The following PTGER3 variants were observed in gnomAD, a reference collection of about 807,000 sequenced individuals.
PTGER3 encodes prostaglandin E2 receptor EP3 subtype.
A neutral mutation model predicts 34.7 loss-of-function variants in PTGER3; 22 were observed. The ratio of observed to expected loss-of-function variants is 0.63; its 90% CI spans 0.45 to 0.91. PTGER3 has a LOEUF of 0.91. PTGER3 is among the 40% of genes least tolerant of loss of function. The pLI, the probability that PTGER3 is intolerant of heterozygous loss-of-function variation, is 0.00. For missense variants in PTGER3, 468 were observed against 519.4 expected, an observed-to-expected ratio of 0.90 and a Z score of 0.96; for synonymous variants, 241 against 230.1, an observed-to-expected ratio of 1.05 and a Z score of -0.43.
At chr1:70,950,478 G>A (rs1355995313), downstream of PTGER3, among the ~76,000 whole-genome samples, 3 of 152,150 alleles carry the variant, frequency 2.0e-5, no homozygotes, top group African/African-American at 7.2e-5. Context: ...ATGACAGGGT[G>A]GGTTTGCTCA....
intron 4 of PTGER3, among the ~76,000 whole-genome samples, chr1:70,898,314 C>T (rs1160238672): frequency 2.0e-5 from 3 of 151,872 alleles, no homozygotes; most frequent in Non-Finnish European, 4.4e-5. Flanking sequence ...TGGTATTCAG[C>T]CATAACTACA....
chr1:70,896,832 C>T (rs1296137548), intron 4 of PTGER3, among the ~76,000 whole-genome samples: 1 of 152,130 alleles, frequency 6.6e-6, no homozygotes, highest in Non-Finnish European at 1.5e-5. Flanking sequence ...CTCTCCTTGA[C>T]ATAGCAGAGT....
downstream of PTGER3, among the ~76,000 whole-genome samples, chr1:70,970,177 G>A (rs953415195): frequency 2.1e-4 from 32 of 152,104 alleles, no homozygotes; most frequent in African/African-American, 7.0e-4. Flanking sequence ...TCTTACTTAT[G>A]TTAGGTATGA....
intron 4 of PTGER3, among the ~76,000 whole-genome samples, chr1:70,880,408 G>T (rs1326089649): frequency 6.7e-6 from 1 of 150,358 alleles, no homozygotes; most frequent in Admixed American, 6.6e-5. Flanking sequence ...AGAATGCTGA[G>T]GCTGGGCGAG....
At position 70,971,365 on chromosome 1, in the gene PTGER3, T is replaced by G; in HGVS notation, c.*365A>C. The G allele has an allele frequency of 9.9e-7, 1 of 1,013,904 alleles. No individual in the cohort carries two copies. The highest frequency in any genetic ancestry group is 1.7e-5 in the African/African-American group (1 of 58,530). The allele number at this position is 1,013,904 out of a possible 1,614,324, so 62.8% of individuals were successfully genotyped here. On this transcript the variant is annotated 3_prime_UTR_variant, in exon 4 of 4. Coordinates refer to ENST00000306666, the MANE Select transcript of PTGER3 (RefSeq NM_198719.2). ...CTCATATTGCAAAAGCAAGCTATCA[T>G]GAAATGTAAAGATGTCCACTTTGGT...
At chr1:71,010,192 C>T in intron 2 of PTGER3, 3 of 983,840 alleles carry the variant, frequency 3.0e-6, no homozygotes, top group Non-Finnish European at 3.6e-6. Flanking sequence ...ATAGTAATGT[C>T]CACTATCATT....
In PTGER3 at chr1:70,974,372, T is replaced by C. The variant is rs768965697; in HGVS notation, c.1094A>G (p.Asn365Ser). The C allele has an allele frequency of 7.5e-6, 8 of 1,064,916 alleles. No homozygotes were observed. Among genetic ancestry groups the C allele is most frequent in the Non-Finnish European group, 1.0e-5 (7 of 678,484 alleles). The allele number at this position is 1,064,916 out of a possible 1,614,324, so 66.0% of individuals were successfully genotyped here. ...RKFCQIRYHT[N>S]NYASSSTSLP... The stretch of plus-strand genomic sequence containing the variant: ...GGAGGTGGAGCTGGATGCATAGTTG[T>C]TTGTGTGGTACCTGATCTGTGAACA... Residue 365 changes from asparagine to serine, a missense_variant, in exon 3 of 4, where the codon AAC becomes AGC. This residue lies in a region of PTGER3 where 57 missense variants were observed against 43.8 expected (regional missense o/e 1.30). Transcript: ENST00000306666.
intron 4 of PTGER3, among the ~76,000 whole-genome samples, chr1:70,897,828 T>A (rs1221262664): frequency 6.6e-6 from 1 of 152,234 alleles, no homozygotes; most frequent in Non-Finnish European, 1.5e-5. Context: ...TGTGCTGTTA[T>A]TGACTTCAAC....
chr1:70,994,859 T>C (rs1263902361), intron 2 of PTGER3, among the ~76,000 whole-genome samples: 1 of 152,228 alleles, frequency 6.6e-6, no homozygotes, highest in Non-Finnish European at 1.5e-5. Flanking sequence ...TAAGTATTTC[T>C]ATGTCTACTG....
rs865979890 is a variant in PTGER3, at chr1:71,011,125, T to C, written c.1077+1180A>G. ...GTGCAATTCCCAAAACTTAATGTAG[T>C]GATCTACTTGTGCACAAATACGTCA... On this transcript the variant is annotated intron_variant, in intron 2 of 3. Coordinates refer to ENST00000306666, the MANE Select transcript of PTGER3 (RefSeq NM_198719.2). The C allele has an allele frequency of 1.0e-5, 10 of 985,782 alleles. No individual in the cohort carries two copies. In the East Asian group the frequency reaches 1.0e-3, roughly 101 times the overall value. 61.1% of individuals were successfully genotyped at this position (985,782 alleles called of 1,614,324 possible).
At chr1:70,873,022 G>T (rs577326194) in intron 4 of PTGER3, among the ~76,000 whole-genome samples, 9 of 152,230 alleles carry the variant, frequency 5.9e-5, no homozygotes, top group African/African-American at 2.2e-4. Flanking sequence ...CTCTTTCCAA[G>T]CTTCTGAAAG....
chr1:71,039,875 T>G (rs1275050902), intron 1 of PTGER3, among the ~76,000 whole-genome samples: 3 of 151,960 alleles, frequency 2.0e-5, no homozygotes, highest in African/African-American at 7.3e-5. Context: ...AACATCACAG[T>G]GGTATTCCTC....
chr1:71,016,569 G>C (rs1409642394), intron 1 of PTGER3, among the ~76,000 whole-genome samples: 1 of 152,060 alleles, frequency 6.6e-6, no homozygotes, highest in Non-Finnish European at 1.5e-5. Flanking sequence ...TTGGGAGGTC[G>C]AGGCAGATGG....
At chr1:70,867,125 C>A (rs567017823) in intron 4 of PTGER3, among the ~76,000 whole-genome samples, 2 of 152,226 alleles carry the variant, frequency 1.3e-5, no homozygotes, top group Non-Finnish European at 2.9e-5. Context: ...GATGCCCCCA[C>A]ACTAGTGCTC....
chr1:71,001,552 G>A (rs116258854), intron 2 of PTGER3, among the ~76,000 whole-genome samples: 2,262 of 151,708 alleles, frequency 0.015, 51 homozygotes, highest in African/African-American at 0.051. Context: ...TTTGAGTCTT[G>A]CTATTTTTGT....
At chr1:70,989,126 C>T (rs1037277270) in intron 2 of PTGER3, among the ~76,000 whole-genome samples, 2 of 152,144 alleles carry the variant, frequency 1.3e-5, no homozygotes, top group Admixed American at 1.3e-4. Flanking sequence ...GCTCTGCCCT[C>T]CTACCGGGTT....
At chr1:70,904,760 G>C (rs1265231350) in intron 4 of PTGER3, among the ~76,000 whole-genome samples, 1 of 152,180 alleles carries the variant, frequency 6.6e-6, no homozygotes, top group African/African-American at 2.4e-5. Flanking sequence ...TAAAAGTTCA[G>C]AAAAGTTGCA....
downstream of PTGER3, among the ~76,000 whole-genome samples, chr1:70,967,513 G>T (rs1426875339): frequency 6.6e-6 from 1 of 151,950 alleles, no homozygotes; most frequent in Non-Finnish European, 1.5e-5. Flanking sequence ...CGAAAATCTA[G>T]GATGAGCCTA....
intron 4 of PTGER3, among the ~76,000 whole-genome samples, chr1:70,922,495 C>T (rs1647630299): frequency 6.6e-6 from 1 of 152,148 alleles, no homozygotes; most frequent in Non-Finnish European, 1.5e-5. Context: ...CTAGGTAAGG[C>T]CTGGGACATG....
Sources: gnomAD v4.1 joint callset for allele counts (sites outside exome capture counted in the v4.1 genomes callset) on GRCh38, gnomAD v4.1.1 for gene constraint, gnomAD v4.1.1 regional missense constraint, MANE v1.5 for transcripts, NCBI Gene and HGNC (gene_info 2026-07-23, HGNC 2026-07-21) for gene names.